The following NRG3 variants were observed in gnomAD, a reference collection of about 807,000 sequenced individuals.
The protein encoded by NRG3 is pro-neuregulin-3, membrane-bound isoform.
A neutral mutation model predicts 66.9 loss-of-function variants in NRG3; 31 were observed. The ratio of observed to expected loss-of-function variants is 0.46; its 90% CI spans 0.35 to 0.63. The LOEUF is 0.63. NRG3 is among the 20% of genes least tolerant of loss of function. NRG3 has a pLI of 0.00. For synonymous variants in NRG3, 393 were observed against 359.4 expected (o/e 1.09, Z -1.06); for missense variants, 910 against 878.9 (o/e 1.04, Z -0.45).
At chr10:82,348,046 TG>T (rs879937081) in intron 1 of NRG3, among the ~76,000 whole-genome samples, 79 of 152,036 alleles carry the variant, frequency 5.2e-4, no homozygotes, top group Non-Finnish European at 9.6e-4. Context: ...GTCTTTTAAT[TG>T]GAGCATTTAG....
At chr10:82,015,668 T>C (rs910214806) in intron 1 of NRG3, among the ~76,000 whole-genome samples, 1 of 152,012 alleles carries the variant, frequency 6.6e-6, no homozygotes, top group African/African-American at 2.4e-5. Flanking sequence ...GACATGTGAG[T>C]CAATTAAACC....
At chr10:82,423,195 G>A (rs910831375) in intron 2 of NRG3, among the ~76,000 whole-genome samples, 1 of 151,800 alleles carries the variant, frequency 6.6e-6, no homozygotes, top group Admixed American at 6.6e-5. Context: ...TTTCAATGTA[G>A]CATTGTATTT....
intron 2 of NRG3, among the ~76,000 whole-genome samples, chr10:82,396,196 G>T (rs1339616114): frequency 3.3e-5 from 5 of 152,172 alleles, no homozygotes; most frequent in African/African-American, 1.2e-4. Context: ...TTAATGTGAA[G>T]ATTTTTTTGC....
intron 3 of NRG3, among the ~76,000 whole-genome samples, chr10:82,836,406 T>C (rs2062778202): frequency 6.6e-6 from 1 of 152,168 alleles, no homozygotes. Context: ...TATTATTGAG[T>C]ATAAACATAC....
intron 1 of NRG3, among the ~76,000 whole-genome samples, chr10:82,223,945 C>A (rs1297064264): frequency 1.3e-5 from 2 of 152,134 alleles, no homozygotes; most frequent in African/African-American, 4.8e-5. Flanking sequence ...AGTCTGTTTC[C>A]TTTTCTACAT....
chr10:82,939,421 GT>G, intron 4 of NRG3, among the ~76,000 whole-genome samples: 1 of 151,170 alleles, frequency 6.6e-6, no homozygotes, highest in South Asian at 2.1e-4. Flanking sequence ...AATTATTTCA[GT>G]TTTTCCTTTG....
intron 1 of NRG3, among the ~76,000 whole-genome samples, chr10:81,979,740 A>C (rs189166795): frequency 5.5e-4 from 84 of 152,316 alleles, no homozygotes; most frequent in Admixed American, 1.4e-3. Context: ...CACATTTGCA[A>C]CTGCATTACG....
At chr10:82,795,171 G>A (rs1197861676) in intron 3 of NRG3, among the ~76,000 whole-genome samples, 1 of 152,120 alleles carries the variant, frequency 6.6e-6, no homozygotes, top group Non-Finnish European at 1.5e-5. Context: ...AAAAGAGAAA[G>A]CAGTATTTTT....
At chr10:82,317,686 A>T (rs921341438) in intron 1 of NRG3, among the ~76,000 whole-genome samples, 1 of 152,198 alleles carries the variant, frequency 6.6e-6, no homozygotes, top group African/African-American at 2.4e-5. Context: ...GTGGCATCAC[A>T]GGTGGTTTAT....
At chr10:82,288,894 C>T (rs1168060713) in intron 1 of NRG3, among the ~76,000 whole-genome samples, 5 of 152,192 alleles carry the variant, frequency 3.3e-5, no homozygotes, top group Non-Finnish European at 5.9e-5. Context: ...ACTGGTCAAC[C>T]TATAAATCCA....
intron 1 of NRG3, among the ~76,000 whole-genome samples, chr10:82,345,938 T>C (rs2082991160): frequency 1.3e-5 from 2 of 152,222 alleles, no homozygotes; most frequent in South Asian, 4.1e-4. Flanking sequence ...TTGCTGAAGT[T>C]GCTTATCAGC....
chr10:82,507,675 T>A (rs1476228120), intron 2 of NRG3, among the ~76,000 whole-genome samples: 1 of 152,164 alleles, frequency 6.6e-6, no homozygotes, highest in Non-Finnish European at 1.5e-5. Flanking sequence ...TGGGACAGGC[T>A]GGAGAAGGTA....
At chr10:82,313,359 AAAAAATAAATAAATAAAAT>A (rs2081131624) in intron 1 of NRG3, among the ~76,000 whole-genome samples, 1 of 151,932 alleles carries the variant, frequency 6.6e-6, no homozygotes, top group Non-Finnish European at 1.5e-5. Context: ...AAATACAAAT[AAAAAATAAATAAATAAAAT>A]AAAAATAAAT....
intron 1 of NRG3, among the ~76,000 whole-genome samples, chr10:82,119,094 C>A (rs1027008263): frequency 2.0e-5 from 3 of 152,008 alleles, no homozygotes; most frequent in Non-Finnish European, 4.4e-5. Context: ...ATGCAATGTG[C>A]AATACTTAAA....
intron 3 of NRG3, among the ~76,000 whole-genome samples, chr10:82,824,212 C>A (rs1279899727): frequency 6.6e-6 from 1 of 152,200 alleles, no homozygotes; most frequent in African/African-American, 2.4e-5. Flanking sequence ...AACACCATTT[C>A]ATTATTTTTA....
At position 82,020,409 on chromosome 10, in the gene NRG3, C is replaced by T. The variant is rs191788437; in HGVS notation, c.823+144246C>T. ...AGGTATAAGGAACTGTCCTAGGTTC[C>T]GGAAACACCTCACTCTCACAGAGGA... On this transcript the variant is annotated intron_variant, in intron 1 of 8. Coordinates refer to ENST00000372141, the MANE Select transcript of NRG3 (RefSeq NM_001010848.4). 4.5e-4 allele frequency among the ~76,000 whole-genome samples: 68 copies of T among 152,070 alleles called. No homozygotes were observed. The Middle Eastern group carries it at 0.014, about 30-fold the overall frequency.
chr10:82,829,824 A>G (rs2062426334), intron 3 of NRG3, among the ~76,000 whole-genome samples: 1 of 152,166 alleles, frequency 6.6e-6, no homozygotes. Context: ...AATTATCCCA[A>G]TCTCAAGGCT....
chr10:82,787,321 C>T (rs1184778959), intron 3 of NRG3, among the ~76,000 whole-genome samples: 1 of 152,146 alleles, frequency 6.6e-6, no homozygotes, highest in Non-Finnish European at 1.5e-5. Context: ...GTGTCTTAAT[C>T]ACAACTTGAC....
chr10:82,107,133 G>C (rs1331951550), intron 1 of NRG3, among the ~76,000 whole-genome samples: 1 of 152,156 alleles, frequency 6.6e-6, no homozygotes, highest in Non-Finnish European at 1.5e-5. Context: ...CTTTTTCTCA[G>C]ATTTTGGAAT....
Sources: allele counts gnomAD v4.1 joint callset (sites outside exome capture counted in the v4.1 genomes callset), GRCh38; gene constraint gnomAD v4.1.1; transcripts MANE v1.5; gene names NCBI Gene and HGNC (gene_info 2026-07-23, HGNC 2026-07-21).